The following TPPP2 variants were observed in gnomAD, a reference collection of about 807,000 sequenced individuals.
The protein encoded by TPPP2 is tubulin polymerization promoting protein family member 2, also known as tubulin polymerization-promoting protein family member 2.
A neutral mutation model predicts 13.0 loss-of-function variants in TPPP2; 8 were observed. The observed-to-expected ratio is 0.62, with a 90% confidence interval of 0.36 to 1.11. TPPP2 has a LOEUF of 1.11. Ranked by LOEUF, TPPP2 falls within the 50% of genes most tolerant of loss-of-function variation. The pLI, the probability that TPPP2 is intolerant of heterozygous loss-of-function variation, is 0.02. For missense variants in TPPP2, 213 were observed against 216.9 expected (o/e 0.98, Z 0.11); for synonymous variants, 81 against 81.8 (o/e 0.99, Z 0.05).
chr14:21,034,369 C>T (rs1884474877), downstream of TPPP2: 2 of 968,936 alleles, frequency 2.1e-6, no homozygotes, highest in African/African-American at 1.6e-5. Flanking sequence ...GAGCCTCCAG[C>T]ATTCCCAACC....
downstream of TPPP2, chr14:21,036,087 C>A: frequency 2.4e-6 from 1 of 415,336 alleles, no homozygotes; most frequent in African/African-American, 2.1e-5. Context: ...CAGTGCCCGG[C>A]ACATGGTGAG....
upstream of TPPP2, chr14:21,025,405 A>G (rs907186108): frequency 5.1e-6 from 5 of 985,466 alleles, no homozygotes; most frequent in Non-Finnish European, 6.0e-6. The surrounding 1 kb of genome is among the most constrained non-coding windows in gnomAD (Gnocchi z 5.1). Flanking sequence ...TGGATCTGCA[A>G]TTGCACTCTG....
intron 1 of TPPP2, 62 bp from the exon 2 acceptor site, chr14:21,030,451 G>A: frequency 3.3e-6 from 3 of 905,760 alleles, no homozygotes; most frequent in East Asian, 2.7e-5. Context: ...CAACAGGGAA[G>A]AGGGGAGCTG....
downstream of TPPP2, chr14:21,035,856 C>G: frequency 2.2e-6 from 1 of 456,174 alleles, no homozygotes; most frequent in Non-Finnish European, 4.4e-6. Context: ...CTCCCCAATC[C>G]CAGCTACGGG....
chr14:21,025,144 T>A lies in TPPP2; in HGVS notation n.236+800T>A, dbSNP rs1346599674. 3 of 968,266 alleles carry A rather than the reference T, an allele frequency of 3.1e-6. No individual in the cohort carries two copies. Among genetic ancestry groups the A allele is most frequent in the Non-Finnish European group, 2.4e-6 (2 of 816,440 alleles). 60.0% of individuals were successfully genotyped at this position (968,266 alleles called of 1,614,324 possible). A position where few individuals can be genotyped will look rare whatever the true frequency, so the allele number is the denominator to read the frequency against. Reference sequence around the variant, plus strand: ...CCCAGCCCGCCCACGGGCGCTAGGCTCCCCGCAGACCCGCCCCAGACCCCC... The same window carrying A: ...CCCAGCCCGCCCACGGGCGCTAGGCACCCCGCAGACCCGCCCCAGACCCCC... On this transcript the variant is annotated intron_variant and non_coding_transcript_variant, in intron 1 of 1. Coordinates refer to the TPPP2 transcript ENST00000533755. This position sits in a 1 kb window ranked among gnomAD's most constrained non-coding sequence, Gnocchi z 5.1.
chr14:21,029,206 A>C (rs1883896652), upstream of TPPP2: 1 of 152,186 alleles, frequency 6.6e-6, no homozygotes, highest in Non-Finnish European at 1.5e-5. Context: ...GCTACACTTG[A>C]GCCTGGAGAC....
chr14:21,032,619 G>T lies in TPPP2; in HGVS notation c.*542G>T, dbSNP rs1316229658. 1.2e-5 allele frequency: 4 copies of T among 344,242 alleles called. No individual in the cohort carries two copies. The highest frequency in any genetic ancestry group is 8.7e-5 in the African/African-American group (4 of 46,090). 21.3% of individuals were successfully genotyped at this position (344,242 alleles called of 1,614,324 possible). ...ATTTGTTCCAGAGCTGGGGTAAGGG[G>T]AGAGTCTATTTTCAACACCCAGCCC... On this transcript the variant is annotated 3_prime_UTR_variant, in exon 4 of 4. Transcript: ENST00000321760.
At chr14:21,031,675 C>G (rs1436342111) in intron 3 of TPPP2, among the ~76,000 whole-genome samples, 1 of 152,168 alleles carries the variant, frequency 6.6e-6, no homozygotes, top group Non-Finnish European at 1.5e-5. Context: ...ACACGCCACA[C>G]TCATTCCCAC....
chr14:21,032,571 AG>A lies in TPPP2; in HGVS notation c.*496del. The A allele has an allele frequency of 2.9e-6, 1 of 346,620 alleles. No individual in the cohort carries two copies. Among genetic ancestry groups the A allele is most frequent in the South Asian group, 2.1e-5 (1 of 46,544 alleles). 21.5% of individuals were successfully genotyped at this position (346,620 alleles called of 1,614,324 possible). Reference sequence around the variant, plus strand: ...TGGGTGGAGGAGTAGAAGCCAGCTAAGGTTGCCTGACTTCTATTACAAATTT... The same window carrying A: ...TGGGTGGAGGAGTAGAAGCCAGCTAAGTTGCCTGACTTCTATTACAAATTT... On this transcript the variant is annotated 3_prime_UTR_variant, in exon 4 of 4. Coordinates refer to ENST00000321760, the MANE Select transcript of TPPP2 (RefSeq NM_173846.5).
upstream of TPPP2, among the ~76,000 whole-genome samples, chr14:21,027,093 G>A (rs868084161): frequency 7.2e-5 from 11 of 152,204 alleles, no homozygotes; most frequent in East Asian, 1.9e-3. Context: ...CTACGCAGGG[G>A]CGCAGGGCAG....
At chr14:21,033,212 G>A (rs1016615157), downstream of TPPP2, 5 of 346,148 alleles carry the variant, frequency 1.4e-5, no homozygotes, top group Admixed American at 8.3e-5. Flanking sequence ...TCCATGGTAA[G>A]AGGAAGCAGG....
chr14:21,026,576 C>T (rs1883661452), upstream of TPPP2, among the ~76,000 whole-genome samples: 1 of 151,634 alleles, frequency 6.6e-6, no homozygotes, highest in Non-Finnish European at 1.5e-5. Context: ...TTCATCCCCA[C>T]TTGGCAGGGT....
chr14:21,034,529 C>T (rs1377560681), downstream of TPPP2: 11 of 507,018 alleles, frequency 2.2e-5, no homozygotes, highest in East Asian at 2.4e-4. Context: ...CTGCAGAGTC[C>T]GTGAGCTACA....
chr14:21,031,969 T>C lies in TPPP2; in HGVS notation c.405T>C (p.Asp135=), dbSNP rs1884220081. 6.2e-7 allele frequency: 1 copy of C among 1,613,948 alleles called. No homozygotes were observed. ...KYTGTHKERF[D]ESGKGKGIAG... ...CCGGCACCCACAAGGAGCGCTTTGA[T>C]GAGAGTGGCAAGGGCAAGGGCATTG... Residue 135 remains aspartate (D), a synonymous_variant, in exon 4 of 4, where the codon GAT becomes GAC. Coordinates refer to ENST00000321760, the MANE Select transcript of TPPP2 (RefSeq NM_173846.5).
Position 21,030,299 on chromosome 14 carries a change from T to C in TPPP2, c.-75T>C, listed in dbSNP as rs1346655783. On this transcript the variant is annotated 5_prime_UTR_variant, in exon 1 of 4. Coordinates refer to ENST00000321760, the MANE Select transcript of TPPP2 (RefSeq NM_173846.5). Reference sequence around the variant, plus strand: ...AAGGGTCAGACCACCATCCGGGTACTCTAAGGTACATAAAAGAGGTAGGGG... The same window carrying C: ...AAGGGTCAGACCACCATCCGGGTACCCTAAGGTACATAAAAGAGGTAGGGG... 2.5e-6 allele frequency: 1 copy of C among 404,780 alleles called. No individual in the cohort carries two copies. The allele number at this position is 404,780 out of a possible 1,614,324, so 25.1% of individuals were successfully genotyped here.
chr14:21,035,153 G>A (rs1392448325), downstream of TPPP2, among the ~76,000 whole-genome samples: 3 of 152,194 alleles, frequency 2.0e-5, no homozygotes, highest in Admixed American at 2.0e-4. Context: ...GAGAATCAAA[G>A]ACCTCCATGT....
downstream of TPPP2, chr14:21,033,830 A>T: frequency 6.2e-7 from 1 of 1,610,070 alleles, no homozygotes; most frequent in Non-Finnish European, 8.5e-7. Context: ...AAATTCCCGA[A>T]TAGAGACCAG....
upstream of TPPP2, chr14:21,025,401 T>A (rs1883381099): frequency 3.1e-5 from 31 of 985,554 alleles, no homozygotes; most frequent in Non-Finnish European, 3.6e-5. The surrounding 1 kb of genome is among the most constrained non-coding windows in gnomAD (Gnocchi z 5.1). Flanking sequence ...GACCTGGATC[T>A]GCAATTGCAC....
At chr14:21,026,936 GGAGAGCCTCGAGT>G (rs1198762241), upstream of TPPP2, among the ~76,000 whole-genome samples, 1 of 146,326 alleles carries the variant, frequency 6.8e-6, no homozygotes, top group Non-Finnish European at 1.5e-5. Flanking sequence ...CTGGGGAGAG[GGAGAGCCTCGAGT>G]GAGAACTTTT....
Sources: allele counts gnomAD v4.1 joint callset (sites outside exome capture counted in the v4.1 genomes callset), GRCh38; gene constraint gnomAD v4.1.1; non-coding constraint Gnocchi (gnomAD v3.1); transcripts MANE v1.5; gene names NCBI Gene and HGNC (gene_info 2026-07-23, HGNC 2026-07-21).